The following ZNF677 variants were observed in gnomAD, a reference collection of about 807,000 sequenced individuals.
ZNF677 encodes the protein zinc finger protein 677.
In ZNF677, 5 loss-of-function variants were observed where a neutral mutation model predicts 8.1. That is an observed-to-expected ratio of 0.62 (90% CI 0.32 to 1.29). The LOEUF is 1.29. Ranked by LOEUF, ZNF677 falls within the 50% of genes most tolerant of loss-of-function variation. The pLI is 0.05. For synonymous variants in ZNF677, 221 were observed against 225.6 expected, an observed-to-expected ratio of 0.98 and a Z score of 0.18; for missense variants, 685 against 685.9, an observed-to-expected ratio of 1.00 and a Z score of 0.01.
At chr19:53,253,801 T>C (rs891322870) in intron 1 of ZNF677, among the ~76,000 whole-genome samples, 1 of 152,134 alleles carries the variant, frequency 6.6e-6, no homozygotes, top group Admixed American at 6.5e-5. Context: ...CAATAAATTA[T>C]GGAATTACAT....
chr19:53,251,859 C>A (rs911045595), intron 2 of ZNF677, among the ~76,000 whole-genome samples: 1 of 152,192 alleles, frequency 6.6e-6, no homozygotes, highest in Non-Finnish European at 1.5e-5. Flanking sequence ...GTCCTTTGTC[C>A]ACCTGACACT....
At position 53,237,882 on chromosome 19, in the gene ZNF677, T is replaced by G. The variant is rs2090991023; in HGVS notation, c.845A>C (p.Gln282Pro). The G allele has an allele frequency of 1.2e-6, 2 of 1,613,452 alleles. No individual in the cohort carries two copies. Among genetic ancestry groups the G allele is most frequent in the Middle Eastern group, 1.6e-4 (1 of 6,062 alleles). Reference protein sequence around the residue: ...FSKSSNLTNHQRIHSGQRPYK... With the variant: ...FSKSSNLTNHPRIHSGQRPYK... The stretch of plus-strand genomic sequence containing the variant: ...AGGTCTCTGTCCAGAGTGAATTCTC[T>G]GATGATTAGTGAGGTTCGAACTTTT... The change falls in exon 5 of 5, where the codon CAG becomes CCG. Residue 282 changes from glutamine (Q) to proline (P), a missense_variant. Transcript: ENST00000598513.
chr19:53,247,779 A>G (rs1429235668), intron 3 of ZNF677, among the ~76,000 whole-genome samples: 1 of 152,220 alleles, frequency 6.6e-6, no homozygotes, highest in African/African-American at 2.4e-5. Flanking sequence ...TCTGCTATCT[A>G]TGTAGCTATC....
intron 4 of ZNF677, 97 bp from the exon 5 acceptor site, chr19:53,238,654 A>C: frequency 1.7e-6 from 2 of 1,186,300 alleles, no homozygotes; most frequent in South Asian, 1.7e-5. Flanking sequence ...TAAGATTTAC[A>C]ATGAACAGAG....
At chr19:53,243,996 AG>A in intron 3 of ZNF677, 99 bp from the exon 4 acceptor site, 2 of 1,079,784 alleles carry the variant, frequency 1.9e-6, no homozygotes, top group Non-Finnish European at 1.3e-6. Flanking sequence ...GATTTATGTG[AG>A]TTAATGCAAG....
chr19:53,241,141 G>A (rs1208189978), intron 4 of ZNF677: 2 of 151,872 alleles, frequency 1.3e-5, no homozygotes, highest in Non-Finnish European at 2.9e-5. Flanking sequence ...AAATACTCAA[G>A]GAAGAAATCT....
At position 53,238,528 on chromosome 19, in the gene ZNF677, AT is replaced by A; in HGVS notation, c.198del (p.Leu67TyrfsTer15). 1.9e-6 allele frequency: 3 copies of A among 1,577,960 alleles called. No homozygotes were observed. The highest frequency in any genetic ancestry group is 2.6e-6 in the Non-Finnish European group (3 of 1,167,062). Reference sequence around the variant, plus strand: ...TCTTTATTATTTTCCTTTGGTGATAATCCCTTGCTTGTAAATCCAACAGAAA... The same window carrying A: ...TCTTTATTATTTTCCTTTGGTGATAACCCTTGCTTGTAAATCCAACAGAAA... ...DDISVGFTSKGLSPKENNKEE... is the reference protein window; with the variant it reads ...DDISVGFTSKXLSPKENNKEE... On this transcript the variant is annotated frameshift_variant, in exon 5 of 5. Transcript: ENST00000598513. LOFTEE classifies it low-confidence loss of function (END_TRUNC).
chr19:53,242,815 G>C (rs1207000148), intron 4 of ZNF677: 1 of 159,212 alleles, frequency 6.3e-6, no homozygotes, highest in Admixed American at 6.5e-5. Context: ...TACACTAAAA[G>C]AGAGTCCTTA....
At chr19:53,253,471 T>C (rs2146975295) in intron 1 of ZNF677, among the ~76,000 whole-genome samples, 1 of 152,316 alleles carries the variant, frequency 6.6e-6, no homozygotes, top group South Asian at 2.1e-4. Context: ...ACAGATCACC[T>C]GAGGTCAGGA....
At chr19:53,251,430 T>C (rs1484046656) in intron 3 of ZNF677, 106 bp downstream of exon 3, 2 of 876,838 alleles carry the variant, frequency 2.3e-6, no homozygotes, top group Non-Finnish European at 1.9e-6. Flanking sequence ...GGTGTGAATA[T>C]ACATATTAGT....
Position 53,235,796 on chromosome 19 carries a change from A to G in ZNF677, c.*1176T>C, listed in dbSNP as rs1013846615. 2.6e-5 allele frequency: 4 copies of G among 152,232 alleles called. No homozygotes were observed. The highest frequency in any genetic ancestry group is 5.9e-5 in the Non-Finnish European group (4 of 68,056). The allele number at this position is 152,232 out of a possible 1,614,324, so 9.4% of individuals were successfully genotyped here. ...TCGACAAAGGTCCCCAGTCACATCA[A>G]CAATTCTAAGGGGTCCTGACCACAT... On this transcript the variant is annotated 3_prime_UTR_variant, in exon 5 of 5. Coordinates refer to ENST00000598513, the MANE Select transcript of ZNF677 (RefSeq NM_182609.4).
intron 3 of ZNF677, 145 bp from the exon 4 acceptor site, chr19:53,244,042 C>G (rs1294870951): frequency 1.3e-6 from 1 of 754,148 alleles, no homozygotes; most frequent in Admixed American, 3.3e-5. Context: ...TTTTTTTAAA[C>G]TGAGATGAAA....
chr19:53,236,876 T>C lies in ZNF677; in HGVS notation c.*96A>G. 8.9e-7 allele frequency: 1 copy of C among 1,129,678 alleles called. No individual in the cohort carries two copies. The highest frequency in any genetic ancestry group is 1.2e-6 in the Non-Finnish European group (1 of 815,016). 70.0% of individuals were successfully genotyped at this position (1,129,678 alleles called of 1,614,324 possible). On this transcript the variant is annotated 3_prime_UTR_variant, in exon 5 of 5. Transcript: ENST00000598513. ...ATCTTTGTGTGGTTTATCTCAAAGA[T>C]GTATATTCTGGTATCAAGTGAGACA...
At chr19:53,241,579 G>C (rs1262957040) in intron 4 of ZNF677, 1 of 354,584 alleles carries the variant, frequency 2.8e-6, no homozygotes, top group Non-Finnish European at 5.0e-6. Context: ...TGTACTGCTG[G>C]CTCCAAGAGG....
intron 1 of ZNF677, 125 bp from the exon 2 acceptor site, chr19:53,253,281 T>G (rs2091263359): frequency 6.6e-6 from 1 of 152,218 alleles, no homozygotes; most frequent in Non-Finnish European, 1.5e-5. Flanking sequence ...TCAACTGTAT[T>G]AAACTAACTG....
At chr19:53,254,319 T>C (rs879278056) in intron 1 of ZNF677, among the ~76,000 whole-genome samples, 7 of 152,168 alleles carry the variant, frequency 4.6e-5, no homozygotes, top group Non-Finnish European at 1.0e-4. Flanking sequence ...CCCTTTCTGC[T>C]CATTTGGCTT....
intron 3 of ZNF677, among the ~76,000 whole-genome samples, chr19:53,251,130 C>A (rs2091227074): frequency 6.6e-6 from 1 of 152,146 alleles, no homozygotes; most frequent in Admixed American, 6.5e-5. Context: ...CAACAGTCTT[C>A]TTTTTCAAAG....
intron 3 of ZNF677, among the ~76,000 whole-genome samples, chr19:53,246,487 TACACAC>T (rs60644090): frequency 0.34 from 46,999 of 140,082 alleles, 7,723 homozygotes; most frequent in East Asian, 0.59. Flanking sequence ...AAAGAAAATG[TACACAC>T]ACACACACAC....
At position 53,254,869 on chromosome 19, in the gene ZNF677, G is replaced by C. The variant is rs1340564827; in HGVS notation, c.-162C>G. The C allele has an allele frequency of 1.3e-5, 2 of 152,654 alleles. No individual in the cohort carries two copies. The highest frequency in any genetic ancestry group is 2.9e-5 in the Non-Finnish European group (2 of 68,104). The allele number at this position is 152,654 out of a possible 1,614,324, so 9.5% of individuals were successfully genotyped here. On this transcript the variant is annotated 5_prime_UTR_variant, in exon 1 of 5. Transcript: ENST00000598513. The stretch of plus-strand genomic sequence containing the variant: ...CAGTAGCCCCGCGAGATCCGCTTCC[G>C]GGTCGGCAGGAACCTGCGCGTACGC...
Sources: allele counts gnomAD v4.1 joint callset (sites outside exome capture counted in the v4.1 genomes callset), GRCh38; gene constraint gnomAD v4.1.1; transcripts MANE v1.5; gene names NCBI Gene and HGNC (gene_info 2026-07-23, HGNC 2026-07-21).